ZBTB16: variants seen among roughly 807,000 people sequenced by gnomAD.
The protein encoded by ZBTB16 is zinc finger and BTB domain-containing protein 16.
In ZBTB16, 8 loss-of-function variants were observed where a neutral mutation model predicts 56.8. The ratio of observed to expected loss-of-function variants is 0.14; its 90% confidence interval spans 0.08 to 0.25. The LOEUF (loss-of-function observed/expected upper bound fraction) is 0.25. Among genes scored for constraint, ZBTB16 ranks in the 10% least tolerant of loss-of-function variants. ZBTB16 has a pLI of 1.00. For missense variants in ZBTB16, 625 were observed against 903.0 expected (o/e 0.69, Z 3.95); for synonymous variants, 363 against 368.5 (o/e 0.98, Z 0.17).
chr11:114,130,960 T>C (rs1361977280), intron 2 of ZBTB16, among the ~76,000 whole-genome samples: 5 of 152,228 alleles, frequency 3.3e-5, no homozygotes, highest in Non-Finnish European at 5.9e-5. Context: ...GACTAGGATA[T>C]TTTCCTGCTT....
intron 2 of ZBTB16, among the ~76,000 whole-genome samples, chr11:114,082,275 A>G (rs1939792819): frequency 6.6e-6 from 1 of 151,954 alleles, no homozygotes; most frequent in Non-Finnish European, 1.5e-5. Flanking sequence ...GTGAGACCCT[A>G]TCTCTATTTC....
chr11:114,113,881 A>G (rs889382047), intron 2 of ZBTB16, among the ~76,000 whole-genome samples: 5 of 152,170 alleles, frequency 3.3e-5, no homozygotes, highest in African/African-American at 7.2e-5. Context: ...TTTTATTTTT[A>G]TATTCATTTA....
chr11:114,079,710 C>T (rs1345119093), intron 2 of ZBTB16, among the ~76,000 whole-genome samples: 3 of 152,156 alleles, frequency 2.0e-5, no homozygotes, highest in African/African-American at 4.8e-5. Flanking sequence ...TAAGCACTGT[C>T]GGCTGCTGTG....
intron 2 of ZBTB16, among the ~76,000 whole-genome samples, chr11:114,126,289 T>G (rs781431706): frequency 5.9e-5 from 9 of 152,238 alleles, no homozygotes; most frequent in Non-Finnish European, 1.3e-4. Context: ...ATATGTGATC[T>G]AGAAGGAGCC....
Position 114,143,225 on chromosome 11 carries a change from A to G in ZBTB16, c.1269-13112A>G, listed in dbSNP as rs1942003546. Among the ~76,000 whole-genome samples the G allele has an allele frequency of 6.6e-6, 1 of 152,194 alleles. No homozygotes were observed. Among genetic ancestry groups the G allele is most frequent in the South Asian group, 2.1e-4 (1 of 4,822 alleles). On this transcript the variant is annotated intron_variant, in intron 2 of 6. Transcript: ENST00000335953. This position sits in a 1 kb window ranked among gnomAD's most constrained non-coding sequence, Gnocchi z 6.4. The stretch of plus-strand genomic sequence containing the variant: ...TCCCGATTGATTTATTACCCACTGT[A>G]CAGCCAAGATGCATCCACCCCTCAT...
In ZBTB16 at chr11:114,063,180, CTT is replaced by C. The variant is rs1455152958; in HGVS notation, c.-90-28_-90-27del. On this transcript the variant is annotated intron_variant, in intron 1 of 6. Coordinates refer to ENST00000335953, the MANE Select transcript of ZBTB16 (RefSeq NM_006006.6). The surrounding 1 kb of genome is among the most constrained non-coding windows in gnomAD (Gnocchi z 6.5). ...GAATTTGTCTTTTGTTCTCTCATCTCTTTTGCTTCTTCCCCTCTTCTTTCTCC... is the reference window on the plus strand; with the variant it reads ...GAATTTGTCTTTTGTTCTCTCATCTCTTGCTTCTTCCCCTCTTCTTTCTCC... The C allele has an allele frequency of 1.8e-6, 2 of 1,123,998 alleles. No individual in the cohort carries two copies. The highest frequency in any genetic ancestry group is 3.1e-5 in the African/African-American group (2 of 64,564). The allele number at this position is 1,123,998 out of a possible 1,614,324, so 69.6% of individuals were successfully genotyped here.
chr11:114,237,842 T>A (rs1944623369), intron 4 of ZBTB16, among the ~76,000 whole-genome samples: 1 of 152,256 alleles, frequency 6.6e-6, no homozygotes, highest in African/African-American at 2.4e-5. Context: ...TTAAAAATAC[T>A]TTTCTATCAT....
At chr11:114,227,454 T>G (rs1022005919) in intron 4 of ZBTB16, among the ~76,000 whole-genome samples, 9 of 152,226 alleles carry the variant, frequency 5.9e-5, no homozygotes, top group African/African-American at 2.2e-4. Context: ...AATTCATTTG[T>G]GCAATCCTTT....
chr11:114,090,634 C>G (rs1278726094), intron 2 of ZBTB16, among the ~76,000 whole-genome samples: 1 of 152,196 alleles, frequency 6.6e-6, no homozygotes, highest in Non-Finnish European at 1.5e-5. Flanking sequence ...TTTCATCCCT[C>G]AATCCTGGGA....
chr11:114,061,123 A>G (rs1250105930), intron 1 of ZBTB16, among the ~76,000 whole-genome samples: 3 of 149,768 alleles, frequency 2.0e-5, no homozygotes, highest in Non-Finnish European at 4.4e-5. Flanking sequence ...GTCGTCTCCA[A>G]GTCTCGGTGG....
At chr11:114,186,632 C>T (rs112381618) in intron 3 of ZBTB16, among the ~76,000 whole-genome samples, 87,860 of 151,584 alleles carry the variant, frequency 0.58, 25,997 homozygotes, top group African/African-American at 0.69. Context: ...TCTCCTGTCC[C>T]CCCCATCACC....
At chr11:114,170,554 C>T (rs928299704) in intron 3 of ZBTB16, among the ~76,000 whole-genome samples, 6 of 152,044 alleles carry the variant, frequency 3.9e-5, no homozygotes, top group Non-Finnish European at 1.5e-5. Flanking sequence ...CAGTAGTTAA[C>T]GCACTCCCTC....
intron 2 of ZBTB16, among the ~76,000 whole-genome samples, chr11:114,103,397 A>G (rs1296658393): frequency 6.6e-6 from 1 of 152,032 alleles, no homozygotes; most frequent in African/African-American, 2.4e-5. Flanking sequence ...CTGCTTAAAA[A>G]CTTTTTCTTT....
chr11:114,205,442 C>A (rs552225343), intron 4 of ZBTB16, among the ~76,000 whole-genome samples: 1 of 152,126 alleles, frequency 6.6e-6, no homozygotes, highest in Admixed American at 6.5e-5. Flanking sequence ...TTCTCTGAAC[C>A]TTAGGAGAAG....
chr11:114,238,676 C>T (rs1241059586), intron 4 of ZBTB16, among the ~76,000 whole-genome samples: 1 of 151,950 alleles, frequency 6.6e-6, no homozygotes, highest in Non-Finnish European at 1.5e-5. Context: ...TTTCATGGCA[C>T]TGCATTGCCT....
rs576607567 is a variant in ZBTB16 at position 114,235,805 on chromosome 11, T to G, written c.1454-6362T>G. Among the ~76,000 whole-genome samples the G allele has an allele frequency of 5.4e-4, 81 of 150,210 alleles. 1 individual carries two copies. The East Asian group carries it at 0.015, about 28-fold the overall frequency. On this transcript the variant is annotated intron_variant, in intron 4 of 6. Transcript: ENST00000335953. ...CCTTCCTTCTCCTTTTTTTTTTTTT[T>G]GCTAAAATTAAGCTTGTTTTAAATT... is the stretch of plus-strand genomic sequence containing the variant.
At position 114,111,768 on chromosome 11, in the gene ZBTB16, T is replaced by C. The variant is rs373592940; in HGVS notation, c.1269-44569T>C. ...TTTCCGTCTCCCTCTCCTGGTGCTA[T>C]TGGTTTGTTGTGGGTGGTTTTCCTA... On this transcript the variant is annotated intron_variant, in intron 2 of 6. Transcript: ENST00000335953. Among the ~76,000 whole-genome samples, 52 of 152,344 alleles carry C rather than the reference T, an allele frequency of 3.4e-4. 1 individual carries two copies. The South Asian group carries it at 0.01, about 30-fold the overall frequency.
intron 1 of ZBTB16, among the ~76,000 whole-genome samples, chr11:114,062,258 C>T (rs929464162): frequency 3.3e-5 from 5 of 152,110 alleles, no homozygotes; most frequent in South Asian, 2.1e-4. Flanking sequence ...CGGGTGCCAC[C>T]GCGCCTGGCT....
chr11:114,178,580 C>A (rs1268015046), intron 3 of ZBTB16, among the ~76,000 whole-genome samples: 1 of 152,052 alleles, frequency 6.6e-6, no homozygotes, highest in Non-Finnish European at 1.5e-5. Context: ...TTGGATTACC[C>A]GCTGGTGCTA....
Sources: gnomAD v4.1 joint callset for allele counts (sites outside exome capture counted in the v4.1 genomes callset) on GRCh38, gnomAD v4.1.1 for gene constraint, Gnocchi (gnomAD v3.1) non-coding constraint, MANE v1.5 for transcripts, NCBI Gene and HGNC (gene_info 2026-07-23, HGNC 2026-07-21) for gene names.